The following CYP2C8 variants were observed in gnomAD, a reference collection of about 807,000 sequenced individuals.
The protein encoded by CYP2C8 is cytochrome P450 2C8.
CYP2C8 carries 51 observed loss-of-function variants against 41.3 expected under a neutral mutation model. That is an observed-to-expected ratio of 1.24 (90% CI 0.99 to 1.56). The LOEUF is 1.56. Among genes scored for constraint, CYP2C8 ranks in the 40% most tolerant of loss-of-function variants. The pLI is 0.00. For missense variants in CYP2C8, 651 were observed against 579.9 expected (o/e 1.12, Z -1.26); for synonymous variants, 218 against 205.8 (o/e 1.06, Z -0.51).
intron 5 of CYP2C8, among the ~76,000 whole-genome samples, chr10:95,051,632 G>A (rs567461760): frequency 6.6e-6 from 1 of 152,166 alleles, no homozygotes; most frequent in East Asian, 1.9e-4. Context: ...TAGTTTTGGA[G>A]CTTACATTTA....
chr10:95,044,758 T>C (rs1405939252), intron 6 of CYP2C8, among the ~76,000 whole-genome samples: 1 of 152,196 alleles, frequency 6.6e-6, no homozygotes, highest in African/African-American at 2.4e-5. Flanking sequence ...AAAGGAGTTA[T>C]GGAGGAAACT....
At chr10:95,057,931 C>T (rs2033342899) in intron 5 of CYP2C8, among the ~76,000 whole-genome samples, 1 of 152,156 alleles carries the variant, frequency 6.6e-6, no homozygotes, top group Non-Finnish European at 1.5e-5. Context: ...ATATTAAGGG[C>T]TATGTCAATG....
intron 4 of CYP2C8, among the ~76,000 whole-genome samples, chr10:95,061,757 G>C (rs566838216): frequency 6.6e-6 from 1 of 152,250 alleles, no homozygotes; most frequent in South Asian, 2.1e-4. Context: ...GATCTTTCCT[G>C]CTTTCTCTTG....
intron 7 of CYP2C8, among the ~76,000 whole-genome samples, chr10:95,041,489 A>T (rs1052209848): frequency 6.6e-6 from 1 of 152,218 alleles, no homozygotes; most frequent in African/African-American, 2.4e-5. Context: ...GCTTTTAAAA[A>T]ATCTGTGCAA....
At chr10:95,041,376 C>T (rs1316541612) in intron 7 of CYP2C8, among the ~76,000 whole-genome samples, 1 of 152,238 alleles carries the variant, frequency 6.6e-6, no homozygotes, top group African/African-American at 2.4e-5. Flanking sequence ...GTGTTTGCCT[C>T]ACTGCCTTAC....
chr10:95,052,325 G>C (rs1012289626), intron 5 of CYP2C8, among the ~76,000 whole-genome samples: 5 of 151,984 alleles, frequency 3.3e-5, no homozygotes, highest in Non-Finnish European at 2.9e-5. Flanking sequence ...CATCCTAGTA[G>C]AGAAAAGCTC....
At chr10:95,044,252 C>G (rs1247698400) in intron 6 of CYP2C8, among the ~76,000 whole-genome samples, 2 of 152,150 alleles carry the variant, frequency 1.3e-5, no homozygotes, top group Non-Finnish European at 2.9e-5. Flanking sequence ...TTGTAGCAAC[C>G]ATGTAGGTCC....
At chr10:95,049,643 G>T (rs564305160) in intron 5 of CYP2C8, among the ~76,000 whole-genome samples, 1 of 152,174 alleles carries the variant, frequency 6.6e-6, no homozygotes, top group African/African-American at 2.4e-5. Flanking sequence ...AGGGCTCTGG[G>T]ATGGTAAATA....
At chr10:95,045,570 C>T (rs1202628429) in intron 6 of CYP2C8, among the ~76,000 whole-genome samples, 1 of 152,230 alleles carries the variant, frequency 6.6e-6, no homozygotes, top group African/African-American at 2.4e-5. Context: ...GAAATCCAGA[C>T]ACTTCATCAG....
At chr10:95,040,513 C>T (rs2134407508) in intron 7 of CYP2C8, among the ~76,000 whole-genome samples, 1 of 152,158 alleles carries the variant, frequency 6.6e-6, no homozygotes, top group African/African-American at 2.4e-5. Context: ...TATAGCATAG[C>T]AACTAAAACA....
intron 4 of CYP2C8, among the ~76,000 whole-genome samples, chr10:95,060,501 G>A (rs921028239): frequency 2.0e-5 from 3 of 152,146 alleles, no homozygotes; most frequent in African/African-American, 7.2e-5. Context: ...TTTGTATCCC[G>A]AGACATTGCT....
intron 4 of CYP2C8, among the ~76,000 whole-genome samples, chr10:95,061,326 A>T (rs991921048): frequency 6.6e-6 from 1 of 152,086 alleles, no homozygotes; most frequent in Non-Finnish European, 1.5e-5. Flanking sequence ...AGAGCCTGTT[A>T]TTGGTCTATT....
At chr10:95,063,107 A>G (rs1177424390) in intron 4 of CYP2C8, among the ~76,000 whole-genome samples, 2 of 152,080 alleles carry the variant, frequency 1.3e-5, no homozygotes, top group African/African-American at 4.8e-5. Flanking sequence ...GAATCTGACA[A>G]TTATGTGTCT....
At chr10:95,038,856 T>C in intron 8 of CYP2C8, 41 bp downstream of exon 8, 1 of 1,607,320 alleles carries the variant, frequency 6.2e-7, no homozygotes. Flanking sequence ...CAAAAAGTTC[T>C]CTCTTTCCTT....
At chr10:95,049,454 G>A (rs1456134856) in intron 5 of CYP2C8, among the ~76,000 whole-genome samples, 2 of 152,142 alleles carry the variant, frequency 1.3e-5, no homozygotes, top group Non-Finnish European at 2.9e-5. Context: ...GGGAGGGAGA[G>A]CACAGCAATT....
At chr10:95,058,195 A>G in intron 5 of CYP2C8, 140 bp downstream of exon 5, 3 of 1,287,580 alleles carry the variant, frequency 2.3e-6, no homozygotes, top group Non-Finnish European at 3.3e-6. Context: ...GTGCAGGCCC[A>G]TAAATACAAT....
rs2071426 is a variant in CYP2C8, at chr10:95,068,566, T to C, written c.168+669A>G. ...CATGACTACTATAGTAGAGAACTTA[T>C]TGGATGAAATTTCTAATCACACACA... On this transcript the variant is annotated intron_variant, in intron 1 of 8. Coordinates refer to ENST00000371270, the MANE Select transcript of CYP2C8 (RefSeq NM_000770.3). The C allele has an allele frequency of 0.27, 342,096 of 1,277,824 alleles. 47,401 individuals are homozygous for C. Among genetic ancestry groups the C allele is most frequent in the Non-Finnish European group, 0.28 (275,915 of 978,410 alleles). 79.2% of individuals were successfully genotyped at this position (1,277,824 alleles called of 1,614,324 possible). A position where few individuals can be genotyped will look rare whatever the true frequency, so the allele number is the denominator to read the frequency against.
intron 4 of CYP2C8, among the ~76,000 whole-genome samples, chr10:95,060,007 C>T (rs988250149): frequency 6.6e-6 from 1 of 152,166 alleles, no homozygotes; most frequent in Non-Finnish European, 1.5e-5. Context: ...GTCTATATCT[C>T]TGTTTTGGTA....
intron 1 of CYP2C8, 61 bp downstream of exon 1, chr10:95,069,174 A>T (rs1186228627): frequency 1.9e-6 from 3 of 1,582,872 alleles, no homozygotes; most frequent in African/African-American, 2.7e-5. Flanking sequence ...ATTTTGTCTA[A>T]AAATAGCAGT....
Sources: gnomAD v4.1 joint callset for allele counts (sites outside exome capture counted in the v4.1 genomes callset) on GRCh38, gnomAD v4.1.1 for gene constraint, MANE v1.5 for transcripts, NCBI Gene and HGNC (gene_info 2026-07-23, HGNC 2026-07-21) for gene names.